FBXL20: variants seen among roughly 807,000 people sequenced by gnomAD.
FBXL20 encodes the protein F-box/LRR-repeat protein 20.
In FBXL20, 11 loss-of-function variants were observed where a neutral mutation model predicts 64.0. That is an observed-to-expected ratio of 0.17 (90% confidence interval 0.11 to 0.28). The LOEUF (loss-of-function observed/expected upper bound fraction) is 0.28. Among genes scored for constraint, FBXL20 ranks in the 10% least tolerant of loss-of-function variants. The probability of loss-of-function intolerance (pLI) is 1.00; values close to 1 mark genes in which losing one functional copy is unlikely to be tolerated. For synonymous variants in FBXL20, 184 were observed against 189.0 expected, an observed-to-expected ratio of 0.97 and a Z score of 0.22; for missense variants, 303 against 526.2, an observed-to-expected ratio of 0.58 and a Z score of 4.15.
intron 9 of FBXL20, among the ~76,000 whole-genome samples, chr17:39,280,104 G>C (rs556864980): frequency 4.0e-4 from 60 of 151,894 alleles, no homozygotes; most frequent in African/African-American, 1.4e-3. Context: ...GTGTGGTGAC[G>C]GGCGCTTGTA....
chr17:39,282,694 C>A (rs1409887699), intron 8 of FBXL20, 35 bp downstream of exon 8: 2 of 1,613,802 alleles, frequency 1.2e-6, no homozygotes, highest in Admixed American at 3.3e-5. Flanking sequence ...ATTCACGATT[C>A]TTCCGAATTT....
chr17:39,339,069 G>A (rs766435814), intron 2 of FBXL20, among the ~76,000 whole-genome samples: 42 of 151,004 alleles, frequency 2.8e-4, no homozygotes, highest in South Asian at 4.2e-4. Flanking sequence ...TCAGGAGGAC[G>A]AGGCAGGAGA....
At chr17:39,356,503 A>G (rs921230771) in intron 1 of FBXL20, among the ~76,000 whole-genome samples, 1 of 152,068 alleles carries the variant, frequency 6.6e-6, no homozygotes, top group Non-Finnish European at 1.5e-5. Context: ...CTACAGGTAC[A>G]TATCACCACG....
At chr17:39,343,311 T>G in intron 1 of FBXL20, 70 bp from the exon 2 acceptor site, 1 of 1,090,618 alleles carries the variant, frequency 9.2e-7, no homozygotes, top group Non-Finnish European at 1.3e-6. Flanking sequence ...CTCAATAGTT[T>G]AGAGGCAATT....
intron 3 of FBXL20, among the ~76,000 whole-genome samples, chr17:39,302,089 T>A (rs1342591335): frequency 6.6e-6 from 1 of 151,700 alleles, no homozygotes; most frequent in African/African-American, 2.4e-5. Flanking sequence ...AAAAATATGA[T>A]CCTTAAAAAA....
intron 1 of FBXL20, among the ~76,000 whole-genome samples, chr17:39,399,113 A>C (rs2048216111): frequency 6.6e-6 from 1 of 152,262 alleles, no homozygotes; most frequent in African/African-American, 2.4e-5. Context: ...AAAATCATAG[A>C]GCTTCAGTTA....
At chr17:39,346,391 G>T (rs889404398) in intron 1 of FBXL20, among the ~76,000 whole-genome samples, 1 of 151,930 alleles carries the variant, frequency 6.6e-6, no homozygotes, top group African/African-American at 2.4e-5. Context: ...TGGATGGTGG[G>T]GCTACACCAT....
intron 1 of FBXL20, among the ~76,000 whole-genome samples, chr17:39,355,855 CA>C (rs746086439): frequency 1.1e-3 from 73 of 67,600 alleles, no homozygotes; most frequent in South Asian, 5.3e-3. Context: ...GACTTCGTCT[CA>C]AAAAAAAAAA....
chr17:39,314,861 G>A (rs568895696), intron 2 of FBXL20, among the ~76,000 whole-genome samples: 12 of 141,390 alleles, frequency 8.5e-5, no homozygotes, highest in Non-Finnish European at 1.5e-4. Flanking sequence ...GCAGTGGCAC[G>A]ATCTCAGCTC....
chr17:39,387,657 A>C (rs568088447), intron 1 of FBXL20, among the ~76,000 whole-genome samples: 1 of 150,878 alleles, frequency 6.6e-6, no homozygotes, highest in South Asian at 2.1e-4. Context: ...GGCTCACTAC[A>C]ACCTCCACTT....
chr17:39,381,692 G>C (rs1419519228), intron 1 of FBXL20, among the ~76,000 whole-genome samples: 2 of 151,598 alleles, frequency 1.3e-5, no homozygotes, highest in Non-Finnish European at 2.9e-5. Flanking sequence ...TCAGGGGGCT[G>C]AGGTGGGAAG....
At position 39,300,990 on chromosome 17, in the gene FBXL20, CATA is replaced by C. The variant is rs745421028; in HGVS notation, c.234+8_234+10del. The C allele has an allele frequency of 1.5e-5, 24 of 1,613,294 alleles. No individual in the cohort carries two copies. The African/African-American group carries it at 3.2e-4, about 22-fold the overall frequency. ...ACATGAAAACTGGGGCCACACACCA[CATA>C]ATTATACCTCAATATCCCTCTGGAA... On this transcript the variant is annotated splice_region_variant and intron_variant, in intron 4 of 14. Coordinates refer to ENST00000264658, the MANE Select transcript of FBXL20 (RefSeq NM_032875.3).
intron 1 of FBXL20, among the ~76,000 whole-genome samples, chr17:39,395,714 T>C (rs752826407): frequency 1.1e-4 from 16 of 152,176 alleles, no homozygotes; most frequent in Non-Finnish European, 2.1e-4. Flanking sequence ...TTTGGAAATA[T>C]GGTTATTTTC....
intron 6 of FBXL20, among the ~76,000 whole-genome samples, chr17:39,286,393 T>C (rs2046988184): frequency 6.6e-6 from 1 of 152,058 alleles, no homozygotes; most frequent in African/African-American, 2.4e-5. Context: ...TTTCATATTG[T>C]TTGTAGAGAT....
intron 1 of FBXL20, among the ~76,000 whole-genome samples, chr17:39,343,748 T>G (rs1041412048): frequency 6.7e-6 from 1 of 148,830 alleles, no homozygotes; most frequent in Non-Finnish European, 1.5e-5. Flanking sequence ...CAGTCTGGAG[T>G]ACAGTGGCAT....
rs535351720 is a variant in FBXL20 at position 39,350,852 on chromosome 17, G to C, written c.43-7611C>G. ...TTTTCCCTAGACCTGTAGAATCAAAGACTGGGGGTAGGTGGGCAGGAGAGA... is the reference window on the plus strand; with the variant it reads ...TTTTCCCTAGACCTGTAGAATCAAACACTGGGGGTAGGTGGGCAGGAGAGA... On this transcript the variant is annotated intron_variant, in intron 1 of 14. Coordinates refer to ENST00000264658, the MANE Select transcript of FBXL20 (RefSeq NM_032875.3). Among the ~76,000 whole-genome samples the C allele has an allele frequency of 1.6e-4, 24 of 152,230 alleles. No individual in the cohort carries two copies. The East Asian group carries it at 4.4e-3, about 28-fold the overall frequency.
chr17:39,336,078 G>C (rs1030890574), intron 2 of FBXL20, among the ~76,000 whole-genome samples: 1 of 150,730 alleles, frequency 6.6e-6, no homozygotes. Context: ...TCATCCCACC[G>C]TATTCCAGCC....
chr17:39,278,912 G>C (rs2046923713), intron 9 of FBXL20, among the ~76,000 whole-genome samples: 2 of 151,838 alleles, frequency 1.3e-5, no homozygotes, highest in Non-Finnish European at 2.9e-5. Flanking sequence ...CTAGCACTTT[G>C]GGAGGCCAAG....
At chr17:39,351,357 G>C (rs182743728) in intron 1 of FBXL20, among the ~76,000 whole-genome samples, 1 of 125,636 alleles carries the variant, frequency 8.0e-6, no homozygotes, top group African/African-American at 3.1e-5. Flanking sequence ...AAAAAAAAAA[G>C]AATCCTAAAA....
Sources: allele counts gnomAD v4.1 joint callset (sites outside exome capture counted in the v4.1 genomes callset), GRCh38; gene constraint gnomAD v4.1.1; transcripts MANE v1.5; gene names NCBI Gene and HGNC (gene_info 2026-07-23, HGNC 2026-07-21).